CALN1: variants seen among roughly 807,000 people sequenced by gnomAD.
The protein encoded by CALN1 is calneuron 1, also known as calcium-binding protein 8.
In CALN1, 17 loss-of-function variants were observed where a neutral mutation model predicts 30.6. That is an observed-to-expected ratio of 0.56 (90% CI 0.38 to 0.83). The LOEUF (loss-of-function observed/expected upper bound fraction) is 0.83. Ranked by LOEUF, CALN1 falls within the 40% of genes least tolerant of loss-of-function variation. The probability of loss-of-function intolerance (pLI) is 0.00; values close to 1 mark genes in which losing one functional copy is unlikely to be tolerated. For missense variants in CALN1, 291 were observed against 354.9 expected (o/e 0.82, Z 1.45); for synonymous variants, 156 against 131.4 (o/e 1.19, Z -1.28).
At chr7:72,377,222 A>C (rs1281931880) in intron 2 of CALN1, among the ~76,000 whole-genome samples, 1 of 152,182 alleles carries the variant, frequency 6.6e-6, no homozygotes, top group Non-Finnish European at 1.5e-5. Context: ...GCACAAAGGC[A>C]GTTAGAATTT....
chr7:71,865,300 A>C (rs2116693700), intron 5 of CALN1, among the ~76,000 whole-genome samples: 1 of 152,168 alleles, frequency 6.6e-6, no homozygotes, highest in Middle Eastern at 3.4e-3. Flanking sequence ...ACAATGTGTG[A>C]CACCTCCCCT....
intron 1 of CALN1, among the ~76,000 whole-genome samples, chr7:72,406,403 C>G (rs1299787106): frequency 6.6e-6 from 1 of 152,178 alleles, no homozygotes; most frequent in Admixed American, 6.5e-5. Context: ...TCCCAATGAG[C>G]TTCCTTGTCC....
intron 5 of CALN1, among the ~76,000 whole-genome samples, chr7:71,867,112 T>A (rs1455136221): frequency 6.7e-6 from 1 of 150,282 alleles, no homozygotes; most frequent in South Asian, 2.1e-4. Context: ...ACCATTGCAC[T>A]CCAGCCTGGG....
chr7:72,051,152 T>C (rs1354800761), intron 4 of CALN1, among the ~76,000 whole-genome samples: 3 of 151,904 alleles, frequency 2.0e-5, no homozygotes, highest in Non-Finnish European at 2.9e-5. Flanking sequence ...AATTAGTTAA[T>C]TGGGAAATTC....
At chr7:71,980,848 T>C (rs1798356937) in intron 5 of CALN1, among the ~76,000 whole-genome samples, 1 of 152,010 alleles carries the variant, frequency 6.6e-6, no homozygotes, top group Non-Finnish European at 1.5e-5. Context: ...TGTCTAAAAT[T>C]GCCCCCTACA....
intron 3 of CALN1, among the ~76,000 whole-genome samples, chr7:72,183,032 T>G (rs1789929816): frequency 6.6e-6 from 1 of 152,100 alleles, no homozygotes; most frequent in South Asian, 2.1e-4. Flanking sequence ...GTCAGCTCTA[T>G]GGGGCTTTTT....
chr7:72,503,644 TTTC>T, the CALN1 span, among the ~76,000 whole-genome samples: 1 of 152,128 alleles, frequency 6.6e-6, no homozygotes, highest in African/African-American at 2.4e-5. Context: ...TAGCCTAACT[TTTC>T]CTGAAAACCG....
At chr7:71,932,566 A>C (rs2051886) in intron 5 of CALN1, among the ~76,000 whole-genome samples, 89,211 of 151,872 alleles carry the variant, frequency 0.59, 26,726 homozygotes, top group East Asian at 0.88. Context: ...GTAATCCCAG[A>C]ACTTTCGGAG....
intron 5 of CALN1, among the ~76,000 whole-genome samples, chr7:71,943,921 A>C (rs1796266428): frequency 6.6e-6 from 1 of 152,190 alleles, no homozygotes; most frequent in African/African-American, 2.4e-5. Flanking sequence ...AAAAATAATA[A>C]AATAACCCAA....
intron 3 of CALN1, among the ~76,000 whole-genome samples, chr7:72,168,456 T>C (rs1236305390): frequency 6.6e-6 from 1 of 152,212 alleles, no homozygotes; most frequent in Admixed American, 6.5e-5. Context: ...CTAATGAATC[T>C]ACAGCTCAGG....
intron 5 of CALN1, among the ~76,000 whole-genome samples, chr7:71,910,782 T>C (rs576201347): frequency 4.6e-5 from 7 of 152,340 alleles, no homozygotes; most frequent in Middle Eastern, 3.4e-3. Context: ...ACCGTTTTTT[T>C]CTCAGCTTGT....
chr7:72,477,211 C>CAAAA, the CALN1 span, among the ~76,000 whole-genome samples: 5 of 147,274 alleles, frequency 3.4e-5, no homozygotes, highest in African/African-American at 7.9e-5. Flanking sequence ...ACTGTCTCAA[C>CAAAA]AAAAAAAGAA....
chr7:72,384,807 ATTACTAGT>A (rs1805112620), intron 2 of CALN1, among the ~76,000 whole-genome samples: 1 of 152,174 alleles, frequency 6.6e-6, no homozygotes, highest in African/African-American at 2.4e-5. Flanking sequence ...AGAAAAAAAA[ATTACTAGT>A]TTGGACATTA....
chr7:72,027,599 T>C (rs1475673238), intron 4 of CALN1, among the ~76,000 whole-genome samples: 1 of 151,622 alleles, frequency 6.6e-6, no homozygotes, highest in Non-Finnish European at 1.5e-5. Context: ...TAGTCCCAGC[T>C]ACGTGGGACG....
At chr7:72,031,915 G>A (rs960144545) in intron 4 of CALN1, among the ~76,000 whole-genome samples, 1 of 151,384 alleles carries the variant, frequency 6.6e-6, no homozygotes, top group African/African-American at 2.4e-5. Flanking sequence ...CTCATTTTTT[G>A]TATTTTTAGT....
chr7:71,993,676 C>T (rs141579972), intron 5 of CALN1, among the ~76,000 whole-genome samples: 1,761 of 152,092 alleles, frequency 0.012, 14 homozygotes, highest in Non-Finnish European at 0.019. Context: ...AGGCTGGTCT[C>T]GAACTCCTGG....
intron 3 of CALN1, among the ~76,000 whole-genome samples, chr7:72,129,217 G>C (rs1246765094): frequency 6.6e-6 from 1 of 152,168 alleles, no homozygotes; most frequent in Non-Finnish European, 1.5e-5. Context: ...CAAATGGTTT[G>C]ATAACACACA....
chr7:72,149,329 G>A (rs922004379), intron 3 of CALN1, among the ~76,000 whole-genome samples: 9 of 152,070 alleles, frequency 5.9e-5, no homozygotes, highest in South Asian at 4.2e-4. Flanking sequence ...TTAGCTGGGC[G>A]TGGTGGCAGT....
chr7:71,982,056 T>G (rs1798426787), intron 5 of CALN1, among the ~76,000 whole-genome samples: 2 of 152,188 alleles, frequency 1.3e-5, no homozygotes, highest in Non-Finnish European at 2.9e-5. Flanking sequence ...TTAGTTGACT[T>G]CTAGCTTTCT....
Sources: gnomAD v4.1 joint callset for allele counts (sites outside exome capture counted in the v4.1 genomes callset) on GRCh38, gnomAD v4.1.1 for gene constraint, MANE v1.5 for transcripts, NCBI Gene and HGNC (gene_info 2026-07-23, HGNC 2026-07-21) for gene names.